Variants in ECE1 observed in about 807,000 individuals in gnomAD.
ECE1 encodes the protein endothelin-converting enzyme 1.
ECE1 carries 35 observed loss-of-function variants against 98.6 expected under a neutral mutation model. The observed-to-expected ratio is 0.35, with a 90% CI of 0.27 to 0.47. The LOEUF (loss-of-function observed/expected upper bound fraction) is 0.47. Among genes scored for constraint, ECE1 ranks in the 20% least tolerant of loss-of-function variants. ECE1 has a pLI of 1.00. For synonymous variants in ECE1, 394 were observed against 407.1 expected, an observed-to-expected ratio of 0.97 and a Z score of 0.39; for missense variants, 814 against 1,025.3, an observed-to-expected ratio of 0.79 and a Z score of 2.81.
At chr1:21,236,046 C>G (rs1422477914) in intron 12 of ECE1, 119 bp from the exon 13 acceptor site, 1 of 940,020 alleles carries the variant, frequency 1.1e-6, no homozygotes, top group Non-Finnish European at 1.8e-6. Context: ...CCCTGCCTGC[C>G]TTGGGCTTTC....
intron 10 of ECE1, among the ~76,000 whole-genome samples, chr1:21,238,939 C>T (rs1038030318): frequency 7.2e-5 from 11 of 152,052 alleles, no homozygotes; most frequent in South Asian, 2.1e-4. Flanking sequence ...CTTAGCCTCC[C>T]GAGTAGCTGG....
At chr1:21,280,275 G>A (rs771008993) in intron 2 of ECE1, among the ~76,000 whole-genome samples, 10 of 152,302 alleles carry the variant, frequency 6.6e-5, no homozygotes, top group Non-Finnish European at 1.0e-4. Context: ...GTGGGGTAAC[G>A]TGTTCAGTGA....
chr1:21,301,431 C>G (rs1638481548), intron 1 of ECE1, among the ~76,000 whole-genome samples: 1 of 151,954 alleles, frequency 6.6e-6, no homozygotes, highest in Admixed American at 6.6e-5. Context: ...GGGGGCGGAG[C>G]CTGCAGTGAG....
At chr1:21,299,187 T>C (rs558320211) in intron 1 of ECE1, 15 of 250,816 alleles carry the variant, frequency 6.0e-5, no homozygotes, top group South Asian at 5.0e-4. Context: ...ATGGAGTCAG[T>C]TGTAATTAGT....
chr1:21,263,251 G>C (rs1221589453), intron 4 of ECE1, among the ~76,000 whole-genome samples: 1 of 152,196 alleles, frequency 6.6e-6, no homozygotes, highest in African/African-American at 2.4e-5. Context: ...AGCAACAGGT[G>C]GTGGCTGCAA....
At chr1:21,229,545 C>T (rs2098179115) in intron 14 of ECE1, among the ~76,000 whole-genome samples, 2 of 152,040 alleles carry the variant, frequency 1.3e-5, no homozygotes, top group South Asian at 4.1e-4. Flanking sequence ...CAACTCAAGC[C>T]ATCTGTTGCC....
At chr1:21,228,129 A>T (rs2098176874) in intron 14 of ECE1, 88 bp from the exon 15 acceptor site, 9 of 1,028,528 alleles carry the variant, frequency 8.8e-6, no homozygotes, top group Non-Finnish European at 1.1e-5. Context: ...GGGGATCGGG[A>T]ATAAGGGCAT....
chr1:21,332,744 G>A (rs1438946003), intron 1 of ECE1, among the ~76,000 whole-genome samples: 1 of 53,370 alleles, frequency 1.9e-5, no homozygotes, highest in Admixed American at 1.6e-4. Flanking sequence ...GGGGAGGGGA[G>A]GGGAGGGGAG....
At chr1:21,273,409 A>T (rs978627223) in intron 3 of ECE1, among the ~76,000 whole-genome samples, 3 of 151,898 alleles carry the variant, frequency 2.0e-5, no homozygotes, top group African/African-American at 7.3e-5. Flanking sequence ...GGGCATAAAA[A>T]GGCAGAGTCC....
chr1:21,290,000 CGCGGCA>C, intron 2 of ECE1, 64 bp downstream of exon 2: 2 of 1,074,150 alleles, frequency 1.9e-6, no homozygotes, highest in Non-Finnish European at 1.1e-6. Context: ...GGGCGGGGGG[CGCGGCA>C]GCGGCAGCGC....
chr1:21,277,505 C>T (rs1235037521), intron 3 of ECE1, among the ~76,000 whole-genome samples: 1 of 152,138 alleles, frequency 6.6e-6, no homozygotes, highest in Non-Finnish European at 1.5e-5. Flanking sequence ...CTGATTTAGG[C>T]TGAGGCGACA....
In ECE1 at chr1:21,235,971, C is replaced by T. The variant is rs907374506; in HGVS notation, c.1489-44G>A. The T allele has an allele frequency of 1.9e-6, 3 of 1,589,870 alleles. No homozygotes were observed. The African/African-American group carries it at 4.0e-5, about 21-fold the overall frequency. On this transcript the variant is annotated intron_variant, in intron 12 of 18. Coordinates refer to ENST00000374893, the MANE Select transcript of ECE1 (RefSeq NM_001397.3). This position sits in a 1 kb window ranked among gnomAD's most constrained non-coding sequence, Gnocchi z 4.2. ...GGAAGTGAGTGCCCGGCAACATCGA[C>T]CAGGCCAGCCTGAGCAACTTGGGTG...
Position 21,345,128 on chromosome 1 carries a change from G to C in ECE1, c.3+248C>G. On this transcript the variant is annotated intron_variant, in intron 1 of 18. Coordinates refer to the ECE1 transcript ENST00000415912. The surrounding 1 kb of genome is among the most constrained non-coding windows in gnomAD (Gnocchi z 5.1). ...GGGGACCCCGAGCCCCCCACATCCG[G>C]CTGGGACCAGAACCAAGCTCGGCGC... The C allele has an allele frequency of 9.9e-6, 3 of 303,758 alleles. No individual in the cohort carries two copies. The highest frequency in any genetic ancestry group is 1.1e-5 in the Non-Finnish European group (2 of 183,306). The allele number at this position is 303,758 out of a possible 1,614,324, so 18.8% of individuals were successfully genotyped here. A position where few individuals can be genotyped will look rare whatever the true frequency, so the allele number is the denominator to read the frequency against.
chr1:21,275,873 G>A (rs2098245914), intron 3 of ECE1, among the ~76,000 whole-genome samples: 1 of 151,880 alleles, frequency 6.6e-6, no homozygotes, highest in Admixed American at 6.6e-5. Context: ...CAGCGGCCTG[G>A]GTGCCTGCTC....
At chr1:21,238,039 A>G (rs2098190547) in intron 11 of ECE1, 95 bp downstream of exon 11, 23 of 1,165,034 alleles carry the variant, frequency 2.0e-5, no homozygotes, top group African/African-American at 1.5e-5. Flanking sequence ...CAGGAGCAGG[A>G]AAGGCCCAGG....
intron 10 of ECE1, among the ~76,000 whole-genome samples, chr1:21,243,186 C>T (rs761401671): frequency 4.6e-5 from 7 of 152,106 alleles, no homozygotes; most frequent in African/African-American, 9.7e-5. Flanking sequence ...CACTGAGCCT[C>T]GATTTCATCA....
At chr1:21,262,437 A>C (rs531967588) in intron 4 of ECE1, among the ~76,000 whole-genome samples, 3 of 152,216 alleles carry the variant, frequency 2.0e-5, no homozygotes, top group Non-Finnish European at 4.4e-5. Context: ...AACACTCCCA[A>C]TGAAGCTCTT....
chr1:21,240,366 A>G (rs1038877369), intron 10 of ECE1, among the ~76,000 whole-genome samples: 1 of 151,940 alleles, frequency 6.6e-6, no homozygotes, highest in Middle Eastern at 3.2e-3. Flanking sequence ...AGGCACCTGT[A>G]ACCCCAGCTA....
chr1:21,248,591 G>C (rs1365863191), intron 8 of ECE1, among the ~76,000 whole-genome samples: 1 of 151,922 alleles, frequency 6.6e-6, no homozygotes, highest in Non-Finnish European at 1.5e-5. Context: ...CACTTTCTCT[G>C]TGACCCTAAA....
Sources: allele counts gnomAD v4.1 joint callset (sites outside exome capture counted in the v4.1 genomes callset), GRCh38; gene constraint gnomAD v4.1.1; non-coding constraint Gnocchi (gnomAD v3.1); transcripts MANE v1.5; gene names NCBI Gene and HGNC (gene_info 2026-07-23, HGNC 2026-07-21).